Variants in ETNK2 observed in about 807,000 individuals in gnomAD.
ETNK2 encodes the protein ethanolamine kinase-like protein.
In ETNK2, 33 loss-of-function variants were observed where a neutral mutation model predicts 46.2. The observed-to-expected ratio is 0.71, with a 90% confidence interval of 0.54 to 0.96. ETNK2 has a LOEUF of 0.96. Ranked by LOEUF, ETNK2 falls within the 40% of genes least tolerant of loss-of-function variation. The pLI, the probability that ETNK2 is intolerant of heterozygous loss-of-function variation, is 0.00. For synonymous variants in ETNK2, 194 were observed against 209.0 expected, an observed-to-expected ratio of 0.93 and a Z score of 0.62; for missense variants, 445 against 509.7, an observed-to-expected ratio of 0.87 and a Z score of 1.22.
chr1:204,140,904 C>T (rs1043010169), intron 4 of ETNK2: 2 of 336,798 alleles, frequency 5.9e-6, no homozygotes, highest in South Asian at 2.4e-5. Context: ...CTCACTGCAG[C>T]CTCCACCTCC....
intron 3 of ETNK2, among the ~76,000 whole-genome samples, chr1:204,143,623 AG>A (rs1255699312): frequency 6.6e-6 from 1 of 152,130 alleles, no homozygotes; most frequent in African/African-American, 2.4e-5. Context: ...GGCCAGCAGG[AG>A]GGGAAGGAAG....
chr1:204,137,042 G>C (rs1358342101), intron 6 of ETNK2, 62 bp downstream of exon 6: 2 of 1,589,500 alleles, frequency 1.3e-6, no homozygotes, highest in African/African-American at 2.7e-5. Flanking sequence ...GGCTAGGTGG[G>C]TCACCAGTCC....
At chr1:204,136,780 A>C (rs982441640) in intron 6 of ETNK2, among the ~76,000 whole-genome samples, 1 of 152,028 alleles carries the variant, frequency 6.6e-6, no homozygotes, top group South Asian at 2.1e-4. Flanking sequence ...TGAAGGGCTG[A>C]GGTTAGGCAG....
At chr1:204,144,809 C>T (rs1193804513) in intron 3 of ETNK2, among the ~76,000 whole-genome samples, 3 of 152,178 alleles carry the variant, frequency 2.0e-5, no homozygotes, top group Non-Finnish European at 2.9e-5. Context: ...CCAGCCATCT[C>T]CTCCAGTTGG....
rs1036459335 is a variant in ETNK2, at chr1:204,131,966, G to A, written c.*218C>T. Reference sequence around the variant, plus strand: ...CTCCCAAGCCTGGTGGGGTGAAGGGGACCCCCGGAAGGGGGTCCTATCAGC... The same window carrying A: ...CTCCCAAGCCTGGTGGGGTGAAGGGAACCCCCGGAAGGGGGTCCTATCAGC... On this transcript the variant is annotated 3_prime_UTR_variant, in exon 8 of 8. Coordinates refer to ENST00000367202, the MANE Select transcript of ETNK2 (RefSeq NM_018208.4). This position sits in a 1 kb window ranked among gnomAD's most constrained non-coding sequence, Gnocchi z 4.3. 3 of 571,208 alleles carry A rather than the reference G, an allele frequency of 5.3e-6. No homozygotes were observed. Among genetic ancestry groups the A allele is most frequent in the Admixed American group, 6.0e-5 (2 of 33,204 alleles). 35.4% of individuals were successfully genotyped at this position (571,208 alleles called of 1,614,324 possible).
chr1:204,150,672 G>A, intron 1 of ETNK2: 1 of 152,908 alleles, frequency 6.5e-6, no homozygotes, highest in Non-Finnish European at 1.5e-5. Context: ...GGGAGGGACT[G>A]GCAGATAGCA....
chr1:204,145,807 T>G (rs1657758185), intron 3 of ETNK2, among the ~76,000 whole-genome samples: 1 of 152,122 alleles, frequency 6.6e-6, no homozygotes, highest in Non-Finnish European at 1.5e-5. Flanking sequence ...GCAGGGAGCG[T>G]GAAGGAATGA....
At chr1:204,147,238 G>A (rs373384532) in intron 2 of ETNK2, among the ~76,000 whole-genome samples, 110 of 152,314 alleles carry the variant, frequency 7.2e-4, no homozygotes, top group African/African-American at 2.5e-3. Flanking sequence ...AGAAATGCCC[G>A]CCTCTTATCA....
Position 204,134,503 on chromosome 1 carries a change from C to A in ETNK2, c.1088+12G>T, listed in dbSNP as rs201095263. ...CCTTTTCTCCACGTCCCACCATCAC[C>A]CCCACACTCACCTGAGGAAATCAAA... On this transcript the variant is annotated intron_variant, in intron 7 of 7. Coordinates refer to ENST00000367202, the MANE Select transcript of ETNK2 (RefSeq NM_018208.4). The A allele has an allele frequency of 2.1e-4, 338 of 1,613,658 alleles. No homozygotes were observed. Among genetic ancestry groups the A allele is most frequent in the Middle Eastern group, 1.5e-3 (9 of 6,056 alleles).
Position 204,131,992 on chromosome 1 carries a change from C to T in ETNK2, c.*192G>A, listed in dbSNP as rs2102276168. The T allele has an allele frequency of 1.7e-6, 1 of 594,366 alleles. No homozygotes were observed. Among genetic ancestry groups the T allele is most frequent in the East Asian group, 2.8e-5 (1 of 35,818 alleles). The allele number at this position is 594,366 out of a possible 1,614,324, so 36.8% of individuals were successfully genotyped here. A position where few individuals can be genotyped will look rare whatever the true frequency, so the allele number is the denominator to read the frequency against. On this transcript the variant is annotated 3_prime_UTR_variant, in exon 8 of 8. Coordinates refer to ENST00000367202, the MANE Select transcript of ETNK2 (RefSeq NM_018208.4). The surrounding 1 kb of genome is among the most constrained non-coding windows in gnomAD (Gnocchi z 4.3). ...ACCCCCGGAAGGGGGTCCTATCAGC[C>T]CCTCCAGACAGGAGAATGAGGTCTT...
chr1:204,149,505 C>T (rs1306544096), intron 2 of ETNK2, among the ~76,000 whole-genome samples, 198 bp downstream of exon 2: 1 of 152,216 alleles, frequency 6.6e-6, no homozygotes, highest in Non-Finnish European at 1.5e-5. Flanking sequence ...TTCCTTTCCT[C>T]CCCCAGAACT....
At position 204,131,999 on chromosome 1, in the gene ETNK2, G is replaced by A; in HGVS notation, c.*185C>T. 1 of 613,186 alleles carries A rather than the reference G, an allele frequency of 1.6e-6. No individual in the cohort carries two copies. Among genetic ancestry groups the A allele is most frequent in the Non-Finnish European group, 2.9e-6 (1 of 339,782 alleles). 38.0% of individuals were successfully genotyped at this position (613,186 alleles called of 1,614,324 possible). A position where few individuals can be genotyped will look rare whatever the true frequency, so the allele number is the denominator to read the frequency against. ...GAAGGGGGTCCTATCAGCCCCTCCA[G>A]ACAGGAGAATGAGGTCTTCAGTGGC... On this transcript the variant is annotated 3_prime_UTR_variant, in exon 8 of 8. Coordinates refer to ENST00000367202, the MANE Select transcript of ETNK2 (RefSeq NM_018208.4). This position sits in a 1 kb window ranked among gnomAD's most constrained non-coding sequence, Gnocchi z 4.3.
chr1:204,151,675 G>C lies in ETNK2; in HGVS notation c.178C>G (p.Pro60Ala). ...AVAYFGISVD[P>A]DDILPGALRL... The stretch of plus-strand genomic sequence containing the variant: ...AGGGCCCCGGGAAGGATGTCGTCCG[G>C]GTCCACGGAAATGCCGAAGTACGCG... Residue 60 changes from proline (P) to alanine (A), a missense_variant, in exon 1 of 8, where the codon CCG becomes GCG. By Grantham distance (27) the Pro-to-Ala change is conservative. Transcript: ENST00000367202. This position sits in a 1 kb window ranked among gnomAD's most constrained non-coding sequence, Gnocchi z 8.0. 6.5e-7 allele frequency: 1 copy of C among 1,548,064 alleles called. No individual in the cohort carries two copies. The highest frequency in any genetic ancestry group is 8.7e-7 in the Non-Finnish European group (1 of 1,145,944).
intron 5 of ETNK2, chr1:204,138,698 C>T (rs1657381757): frequency 6.6e-6 from 1 of 152,196 alleles, no homozygotes; most frequent in Admixed American, 6.5e-5. Flanking sequence ...GCCTCTCTAT[C>T]CTGAGCCACA....
chr1:204,151,132 G>A lies in ETNK2; in HGVS notation c.258+463C>T, dbSNP rs1171535926. On this transcript the variant is annotated intron_variant, in intron 1 of 7. Coordinates refer to ENST00000367202, the MANE Select transcript of ETNK2 (RefSeq NM_018208.4). The surrounding 1 kb of genome is among the most constrained non-coding windows in gnomAD (Gnocchi z 8.0). The stretch of plus-strand genomic sequence containing the variant: ...ACAGGGTGGCTCCTGGGACCCACAG[G>A]GGCAGCTCAGAGCCTGGAGGATTTG... 4.6e-6 allele frequency: 1 copy of A among 217,688 alleles called. No homozygotes were observed. The highest frequency in any genetic ancestry group is 9.1e-6 in the Non-Finnish European group (1 of 110,274). The allele number at this position is 217,688 out of a possible 1,614,324, so 13.5% of individuals were successfully genotyped here.
chr1:204,151,417 G>A lies in ETNK2; in HGVS notation c.258+178C>T. On this transcript the variant is annotated intron_variant, in intron 1 of 7. Coordinates refer to ENST00000367202, the MANE Select transcript of ETNK2 (RefSeq NM_018208.4). This position sits in a 1 kb window ranked among gnomAD's most constrained non-coding sequence, Gnocchi z 8.0. ...GCGTGTGCAGGGCCAAGGGAGGTGT[G>A]AGCCTAGTTTTGGTAGCGACGAAAT... is the stretch of plus-strand genomic sequence containing the variant. 1.1e-6 allele frequency: 1 copy of A among 925,732 alleles called. No homozygotes were observed. The highest frequency in any genetic ancestry group is 1.6e-6 in the Non-Finnish European group (1 of 635,062). The allele number at this position is 925,732 out of a possible 1,614,324, so 57.3% of individuals were successfully genotyped here.
rs1161485032 is a variant in ETNK2 at position 204,140,047 on chromosome 1, T to C, written c.856A>G (p.Asn286Asp). Residue 286 changes from asparagine (N) to aspartate (D), a missense_variant, in exon 5 of 8, where the codon AAT (asparagine) becomes GAT (aspartate). Asn to Asp is a conservative substitution (Grantham distance 23). Coordinates refer to ENST00000367202, the MANE Select transcript of ETNK2 (RefSeq NM_018208.4). ...ATGCCCCTCTCACCTGCAAACTCATTGAAATGGTTGCCAATGTCAAAAGCT... is the reference window on the plus strand; with the variant it reads ...ATGCCCCTCTCACCTGCAAACTCATCGAAATGGTTGCCAATGTCAAAAGCT... ...YQAFDIGNHF[N>D]EFAGVNEVDY... is the part of the protein sequence containing the mutation. The C allele has an allele frequency of 6.2e-7, 1 of 1,613,830 alleles. No homozygotes were observed. Among genetic ancestry groups the C allele is most frequent in the Admixed American group, 1.7e-5 (1 of 60,018 alleles).
At chr1:204,138,362 A>G (rs1657368287) in intron 5 of ETNK2, among the ~76,000 whole-genome samples, 1 of 151,958 alleles carries the variant, frequency 6.6e-6, no homozygotes, top group Non-Finnish European at 1.5e-5. Context: ...GCTGCAATCT[A>G]CCCCTTTGGA....
chr1:204,138,534 G>A (rs989542170), intron 5 of ETNK2: 1 of 152,360 alleles, frequency 6.6e-6, no homozygotes, highest in Admixed American at 6.5e-5. Context: ...CCGAGGCTCA[G>A]CTGCTCTGCC....
Sources: allele counts gnomAD v4.1 joint callset (sites outside exome capture counted in the v4.1 genomes callset), GRCh38; gene constraint gnomAD v4.1.1; non-coding constraint Gnocchi (gnomAD v3.1); transcripts MANE v1.5; gene names NCBI Gene and HGNC (gene_info 2026-07-23, HGNC 2026-07-21).